The following GSR variants were observed in gnomAD, a reference collection of about 807,000 sequenced individuals.
GSR encodes the protein glutathione reductase, mitochondrial.
In GSR, 48 loss-of-function variants were observed where a neutral mutation model predicts 56.5. That is an observed-to-expected ratio of 0.85 (90% CI 0.67 to 1.08). GSR has a LOEUF of 1.08. Among genes scored for constraint, GSR ranks in the 50% least tolerant of loss-of-function variants. GSR has a pLI of 0.00. For missense variants in GSR, 694 were observed against 703.3 expected (o/e 0.99, Z 0.15); for synonymous variants, 264 against 270.8 (o/e 0.97, Z 0.25).
At chr8:30,706,664 G>A (rs1803931951) in intron 4 of GSR, among the ~76,000 whole-genome samples, 1 of 152,126 alleles carries the variant, frequency 6.6e-6, no homozygotes, top group Non-Finnish European at 1.5e-5. Context: ...GGTCCTGGTG[G>A]GAAAGGTGTG....
intron 1 of GSR, among the ~76,000 whole-genome samples, chr8:30,722,463 T>C (rs1804571581): frequency 1.3e-5 from 2 of 152,172 alleles, no homozygotes; most frequent in Non-Finnish European, 2.9e-5. Flanking sequence ...CGGTGGCTCA[T>C]GCCTGTAATC....
intron 2 of GSR, among the ~76,000 whole-genome samples, chr8:30,711,118 C>G (rs1125853): frequency 0.68 from 103,457 of 152,044 alleles, 37,928 homozygotes; most frequent in East Asian, 0.83. Flanking sequence ...ACCTATACCA[C>G]GGAAAAGACT....
Position 30,703,124 on chromosome 8 carries a change from C to T in GSR, c.609G>A (p.Met203Ile). The change falls in exon 5 of 13, where the codon ATG (methionine) becomes ATA (isoleucine). Residue 203 changes from methionine (M) to isoleucine (I), a missense_variant. Transcript: ENST00000221130. ...TCTGGCTCTCATGAGGGGTGGAGGG[C>T]ATACCACCTGTGGCGATCAGGATGT... The part of the protein sequence containing the change: ...APHILIATGG[M>I]PSTPHESQIP... 6.2e-7 allele frequency: 1 copy of T among 1,614,114 alleles called. No homozygotes were observed. Among genetic ancestry groups the T allele is most frequent in the Non-Finnish European group, 8.5e-7 (1 of 1,179,996 alleles).
intron 11 of GSR, 94 bp downstream of exon 11, chr8:30,681,836 T>A (rs1802970865): frequency 8.5e-7 from 1 of 1,175,420 alleles, no homozygotes; most frequent in Non-Finnish European, 1.3e-6. Context: ...GGGGCTGAGA[T>A]AGGTTTCATC....
In GSR at chr8:30,689,248, T is replaced by A. The variant is rs8191005; in HGVS notation, c.954A>T (p.Pro318=). The A allele has an allele frequency of 1.1e-3, 1,741 of 1,613,754 alleles. 10 individuals carry two copies. Among genetic ancestry groups the A allele is most frequent in the South Asian group, 8.9e-3 (812 of 91,074 alleles). ...CAACATCTGGAATCATGGTCATGAC[T>A]GGTAGCCTACCGGGAACTGCAGTAA... The part of the protein sequence containing the change: ...SMVTAVPGRL[P]VMTMIPDVDC... Residue 318 remains proline, a synonymous_variant, in exon 9 of 13, where the codon CCA becomes CCT. Transcript: ENST00000221130.
chr8:30,711,455 A>T (rs1216884653), intron 2 of GSR, among the ~76,000 whole-genome samples: 2 of 152,150 alleles, frequency 1.3e-5, no homozygotes, highest in Non-Finnish European at 2.9e-5. Flanking sequence ...CCATGAACCC[A>T]CAGAACTTGA....
chr8:30,688,050 T>G (rs1803221783), intron 9 of GSR, among the ~76,000 whole-genome samples: 1 of 152,100 alleles, frequency 6.6e-6, no homozygotes, highest in East Asian at 1.9e-4. Context: ...ACTTCAACAT[T>G]TAAAAGAACA....
chr8:30,700,257 T>G, intron 5 of GSR, 122 bp from the exon 6 acceptor site: 1 of 767,694 alleles, frequency 1.3e-6, no homozygotes, highest in Non-Finnish European at 2.3e-6. Flanking sequence ...TTTGACAAGT[T>G]TTGTTAAAGT....
intron 1 of GSR, among the ~76,000 whole-genome samples, chr8:30,719,836 C>A (rs1431177434): frequency 6.6e-6 from 1 of 152,136 alleles, no homozygotes; most frequent in Admixed American, 6.5e-5. Flanking sequence ...CAGGTAGAAA[C>A]TTCACATTGC....
chr8:30,725,044 T>A (rs1251540540), intron 1 of GSR, among the ~76,000 whole-genome samples: 4 of 152,188 alleles, frequency 2.6e-5, no homozygotes, highest in Non-Finnish European at 5.9e-5. Context: ...GGTTCCAATA[T>A]TTTTTTCTTT....
At chr8:30,706,508 T>TAAAC (rs200701480) in intron 4 of GSR, among the ~76,000 whole-genome samples, 3,717 of 149,568 alleles carry the variant, frequency 0.025, 111 homozygotes, top group African/African-American at 0.073. Context: ...GTTTCACAAA[T>TAAAC]AAACAAACAA....
intron 7 of GSR, among the ~76,000 whole-genome samples, chr8:30,693,278 T>A (rs951159439): frequency 1.3e-5 from 2 of 152,196 alleles, no homozygotes; most frequent in Non-Finnish European, 2.9e-5. Context: ...TACAGTTAAA[T>A]GGACAGCCAT....
intron 1 of GSR, 21 bp from the exon 2 acceptor site, chr8:30,712,109 C>G: frequency 7.5e-7 from 1 of 1,339,874 alleles, no homozygotes. Context: ...AAAAAAGAGA[C>G]ACACTTTAAG....
intron 9 of GSR, 92 bp downstream of exon 9, chr8:30,689,069 A>G (rs1803268291): frequency 9.6e-7 from 1 of 1,036,994 alleles, no homozygotes; most frequent in Non-Finnish European, 1.5e-6. Context: ...ATCCAATGGA[A>G]TCCACCCAAG....
At chr8:30,688,051 TA>T in intron 9 of GSR, among the ~76,000 whole-genome samples, 1 of 152,258 alleles carries the variant, frequency 6.6e-6, no homozygotes, top group Non-Finnish European at 1.5e-5. Flanking sequence ...CTTCAACATT[TA>T]AAAGAACAAG....
intron 8 of GSR, among the ~76,000 whole-genome samples, chr8:30,691,052 A>T (rs1407796370): frequency 6.6e-6 from 1 of 152,042 alleles, no homozygotes; most frequent in Non-Finnish European, 1.5e-5. Flanking sequence ...ACCTTGTGTC[A>T]AGAAAAATAA....
Position 30,695,064 on chromosome 8 carries a change from T to TA in GSR, c.795+1315dup, listed in dbSNP as rs879638524. On this transcript the variant is annotated intron_variant, in intron 7 of 12. Coordinates refer to ENST00000221130, the MANE Select transcript of GSR (RefSeq NM_000637.5). ...GGTAACATAGCAAGACTCTGTCTCT[T>TA]AAAAAAAAAAAAAATTTCAAGTGTA... Among the ~76,000 whole-genome samples, 854 of 144,898 alleles carry TA rather than the reference T, an allele frequency of 5.9e-3. 6 individuals are homozygous for TA. Among genetic ancestry groups the TA allele is most frequent in the African/African-American group, 0.019 (758 of 39,704 alleles).
rs60399537 is a variant in GSR at position 30,703,244 on chromosome 8, A to C, written c.493-4T>G. ...CACGGATGATTTCTATATGGGACTA[A>C]AGAAGGAACCATGACATTAGCCTGT... On this transcript the variant is annotated splice_region_variant and splice_polypyrimidine_tract_variant and intron_variant, in intron 4 of 12. Transcript: ENST00000221130. 4.4e-5 allele frequency: 71 copies of C among 1,613,438 alleles called. No individual in the cohort carries two copies. The African/African-American group carries it at 7.9e-4, about 18-fold the overall frequency.
chr8:30,689,842 A>G (rs1409826318), intron 8 of GSR, among the ~76,000 whole-genome samples: 1 of 143,224 alleles, frequency 7.0e-6, no homozygotes, highest in Admixed American at 7.2e-5. Context: ...AAACATATGC[A>G]TATTATATAT....
Sources: gnomAD v4.1 joint callset for allele counts (sites outside exome capture counted in the v4.1 genomes callset) on GRCh38, gnomAD v4.1.1 for gene constraint, MANE v1.5 for transcripts, NCBI Gene and HGNC (gene_info 2026-07-23, HGNC 2026-07-21) for gene names.